MACROD2: variants seen among roughly 807,000 people sequenced by gnomAD.
MACROD2 encodes the protein mono-ADP ribosylhydrolase 2.
In MACROD2, 36 loss-of-function variants were observed where a neutral mutation model predicts 70.4. The observed-to-expected ratio is 0.51, with a 90% CI of 0.39 to 0.68. The LOEUF (loss-of-function observed/expected upper bound fraction) is 0.68, where lower values mean the gene tolerates loss of function less well. Ranked by LOEUF, MACROD2 falls within the 30% of genes least tolerant of loss-of-function variation. The pLI is 0.00. For synonymous variants in MACROD2, 172 were observed against 178.8 expected (o/e 0.96, Z 0.30); for missense variants, 496 against 538.4 (o/e 0.92, Z 0.78).
intron 8 of MACROD2, among the ~76,000 whole-genome samples, chr20:15,609,067 C>G (rs147257067): frequency 6.6e-6 from 1 of 152,196 alleles, no homozygotes; most frequent in East Asian, 1.9e-4. Flanking sequence ...TGCTCTATTC[C>G]TCCAGAAGCA....
chr20:15,700,066 C>G (rs2050435017), intron 8 of MACROD2, among the ~76,000 whole-genome samples: 2 of 152,276 alleles, frequency 1.3e-5, no homozygotes, highest in South Asian at 4.1e-4. Context: ...GGAGGGTCTC[C>G]CTTTCTCAGT....
At chr20:15,111,180 T>TG (rs1275682255) in intron 5 of MACROD2, among the ~76,000 whole-genome samples, 12 of 129,504 alleles carry the variant, frequency 9.3e-5, no homozygotes, top group East Asian at 7.4e-4. Flanking sequence ...TTTGTTTGTT[T>TG]TTTTTTTTTT....
intron 3 of MACROD2, among the ~76,000 whole-genome samples, chr20:14,337,056 G>A (rs1465633839): frequency 6.6e-6 from 1 of 152,198 alleles, no homozygotes; most frequent in Admixed American, 6.5e-5. Flanking sequence ...TACACACCAA[G>A]TTGCTTTCCT....
chr20:14,816,547 T>A (rs571285531), intron 5 of MACROD2, among the ~76,000 whole-genome samples: 1 of 152,190 alleles, frequency 6.6e-6, no homozygotes, highest in East Asian at 1.9e-4. Context: ...TTGATCACAT[T>A]TCCTCAATTT....
chr20:15,492,000 T>A (rs2047237539), intron 7 of MACROD2, among the ~76,000 whole-genome samples: 1 of 152,226 alleles, frequency 6.6e-6, no homozygotes, highest in Non-Finnish European at 1.5e-5. Flanking sequence ...TGTGGCCACC[T>A]CACCCTTGCC....
At chr20:14,229,505 G>C (rs2081779683) in intron 3 of MACROD2, among the ~76,000 whole-genome samples, 1 of 152,184 alleles carries the variant, frequency 6.6e-6, no homozygotes, top group African/African-American at 2.4e-5. Flanking sequence ...AGAATTGCAA[G>C]TTAAAATAAC....
chr20:14,924,904 A>T (rs1048311686), intron 5 of MACROD2, among the ~76,000 whole-genome samples: 1 of 152,194 alleles, frequency 6.6e-6, no homozygotes, highest in African/African-American at 2.4e-5. Context: ...TAAGATTTGT[A>T]ATATAAATAA....
intron 5 of MACROD2, among the ~76,000 whole-genome samples, chr20:14,750,556 C>T (rs1372365085): frequency 1.3e-5 from 2 of 152,012 alleles, no homozygotes; most frequent in East Asian, 1.9e-4. Flanking sequence ...GCCTCCTGGG[C>T]GCAAGTGATC....
chr20:15,466,120 T>G (rs1026482928), intron 7 of MACROD2, among the ~76,000 whole-genome samples: 1 of 152,190 alleles, frequency 6.6e-6, no homozygotes, highest in Non-Finnish European at 1.5e-5. Context: ...TACTTTAAGT[T>G]TGATCCCAGA....
chr20:14,047,738 C>CT (rs2053500317), intron 2 of MACROD2, among the ~76,000 whole-genome samples: 1 of 151,856 alleles, frequency 6.6e-6, no homozygotes, highest in Non-Finnish European at 1.5e-5. Context: ...AGTTTGAGAC[C>CT]TGTATAATAG....
At chr20:14,524,289 A>C (rs1268353493) in intron 4 of MACROD2, among the ~76,000 whole-genome samples, 1 of 152,176 alleles carries the variant, frequency 6.6e-6, no homozygotes, top group Non-Finnish European at 1.5e-5. Context: ...TTTCACCTTA[A>C]GGATTCACTT....
chr20:16,005,996 G>C (rs57395511), intron 15 of MACROD2, among the ~76,000 whole-genome samples: 5,290 of 152,176 alleles, frequency 0.035, 260 homozygotes, highest in East Asian at 0.15. Flanking sequence ...TTAGCTTAAG[G>C]CTTTTGAATC....
chr20:15,839,020 A>G (rs1423948269), intron 8 of MACROD2, among the ~76,000 whole-genome samples: 1 of 152,136 alleles, frequency 6.6e-6, no homozygotes, highest in Non-Finnish European at 1.5e-5. Context: ...AGACATATGC[A>G]CTGTCTTTTG....
At chr20:14,815,602 G>C (rs1364630570) in intron 5 of MACROD2, among the ~76,000 whole-genome samples, 1 of 151,912 alleles carries the variant, frequency 6.6e-6, no homozygotes, top group Non-Finnish European at 1.5e-5. Flanking sequence ...GTGCTGTTTA[G>C]TATTACAATC....
chr20:14,199,778 T>C (rs1313534497), intron 3 of MACROD2, among the ~76,000 whole-genome samples: 1 of 152,192 alleles, frequency 6.6e-6, no homozygotes, highest in Non-Finnish European at 1.5e-5. Flanking sequence ...TTTTAGTCTT[T>C]ATAACAGTTT....
intron 3 of MACROD2, among the ~76,000 whole-genome samples, chr20:14,145,128 TA>T (rs1397616906): frequency 2.6e-5 from 4 of 152,212 alleles, no homozygotes; most frequent in Non-Finnish European, 4.4e-5. Context: ...TGAATTACTA[TA>T]TACCTCTACA....
Position 14,852,762 on chromosome 20 carries a change from T to C in MACROD2, c.418+167803T>C, listed in dbSNP as rs113791442. Among the ~76,000 whole-genome samples the C allele has an allele frequency of 6.1e-3, 927 of 152,292 alleles. 10 individuals carry two copies. Among genetic ancestry groups the C allele is most frequent in the African/African-American group, 0.021 (885 of 41,562 alleles). On this transcript the variant is annotated intron_variant, in intron 5 of 17. Transcript: ENST00000684519. ...TGGAAGCAAATTTTTTGCAGAAATTTGCTTTCATGGCTTAACATTCATAAT... is the reference window on the plus strand; with the variant it reads ...TGGAAGCAAATTTTTTGCAGAAATTCGCTTTCATGGCTTAACATTCATAAT...
At chr20:14,841,966 T>G (rs1216687109) in intron 5 of MACROD2, among the ~76,000 whole-genome samples, 3 of 152,108 alleles carry the variant, frequency 2.0e-5, no homozygotes, top group African/African-American at 7.2e-5. Context: ...ATCCATTTTC[T>G]GCTGCTGTAT....
chr20:15,445,201 TTGC>T (rs1343614878), intron 7 of MACROD2, among the ~76,000 whole-genome samples: 1 of 152,206 alleles, frequency 6.6e-6, no homozygotes, highest in African/African-American at 2.4e-5. Flanking sequence ...TTGCTTGAAT[TTGC>T]TGCTTTTATG....
Sources: gnomAD v4.1 joint callset for allele counts (sites outside exome capture counted in the v4.1 genomes callset) on GRCh38, gnomAD v4.1.1 for gene constraint, MANE v1.5 for transcripts, NCBI Gene and HGNC (gene_info 2026-07-23, HGNC 2026-07-21) for gene names.